PRR14: variants seen among roughly 807,000 people sequenced by gnomAD.
PRR14 encodes proline rich 14, also known as proline-rich protein 14.
A neutral mutation model predicts 57.2 loss-of-function variants in PRR14; 33 were observed. That is an observed-to-expected ratio of 0.58 (90% CI 0.44 to 0.77). PRR14 has a LOEUF of 0.77. Among genes scored for constraint, PRR14 ranks in the 30% least tolerant of loss-of-function variants. The pLI, the probability that PRR14 is intolerant of heterozygous loss-of-function variation, is 0.00. For missense variants in PRR14, 716 were observed against 788.1 expected, an observed-to-expected ratio of 0.91 and a Z score of 1.10; for synonymous variants, 303 against 314.7, an observed-to-expected ratio of 0.96 and a Z score of 0.39.
chr16:30,654,167 A>G (rs2052341505), intron 6 of PRR14, 63 bp from the exon 7 acceptor site: 2 of 1,052,118 alleles, frequency 1.9e-6, no homozygotes, highest in Admixed American at 3.6e-5. Flanking sequence ...GGGATAGGGG[A>G]GTTGCTGGCT....
At chr16:30,654,471 G>A (rs1196337710) in intron 7 of PRR14, 132 bp downstream of exon 7, 3 of 962,576 alleles carry the variant, frequency 3.1e-6, no homozygotes, top group Non-Finnish European at 4.8e-6. Context: ...ATATAAAGAT[G>A]GGATGTTGAT....
rs755704354 is a variant in PRR14, at chr16:30,654,339, G to T, written c.658G>T (p.Ala220Ser). Residue 220 changes from alanine to serine, a missense_variant and splice_region_variant, in exon 7 of 12, where the codon GCC becomes TCC. Physicochemically the swap from Ala to Ser is moderately conservative, Grantham distance 99. Coordinates refer to ENST00000300835, the MANE Select transcript of PRR14 (RefSeq NM_024031.5). ...PADPLESPPT[A>S]PDPALELPST... ...AGACCCTCTGGAGAGCCCACCAACA[G>T]GTAAGGACTTGGGTAGAGATCGGAT... 6.2e-7 allele frequency: 1 copy of T among 1,609,854 alleles called. No homozygotes were observed. The highest frequency in any genetic ancestry group is 1.3e-5 in the African/African-American group (1 of 74,836).
chr16:30,654,473 G>A (rs1275095005), intron 7 of PRR14, 134 bp downstream of exon 7: 13 of 953,262 alleles, frequency 1.4e-5, no homozygotes, highest in Admixed American at 2.2e-5. Context: ...ATAAAGATGG[G>A]ATGTTGATGT....
intron 3 of PRR14, 78 bp from the exon 4 acceptor site, chr16:30,652,643 C>A: frequency 1.9e-6 from 3 of 1,557,600 alleles, no homozygotes; most frequent in Middle Eastern, 1.7e-4. Flanking sequence ...TGGCTCAGGG[C>A]ACTGTGAGGC....
Position 30,651,570 on chromosome 16 carries a change from G to A in PRR14, c.-50-26G>A. 7.8e-6 allele frequency: 3 copies of A among 383,396 alleles called. No individual in the cohort carries two copies. The highest frequency in any genetic ancestry group is 1.2e-4 in the East Asian group (2 of 17,002). The allele number at this position is 383,396 out of a possible 1,614,324, so 23.7% of individuals were successfully genotyped here. The stretch of plus-strand genomic sequence containing the variant: ...GGGAAGGGGCCGGCCCTCACCCCCC[G>A]CTCCCCCGCTCCCCCCTTACCCCAG... On this transcript the variant is annotated intron_variant, in intron 1 of 11. Coordinates refer to ENST00000300835, the MANE Select transcript of PRR14 (RefSeq NM_024031.5). The surrounding 1 kb of genome is among the most constrained non-coding windows in gnomAD (Gnocchi z 5.0).
chr16:30,652,863 G>T (rs1248447092), intron 4 of PRR14, 21 bp downstream of exon 4: 1 of 1,614,058 alleles, frequency 6.2e-7, no homozygotes, highest in Non-Finnish European at 8.5e-7. Flanking sequence ...CAGGATGGGG[G>T]TAAGCCGAGG....
Position 30,654,848 on chromosome 16 carries a change from A to C in PRR14, c.878A>C (p.Gln293Pro). Residue 293 changes from glutamine (Q) to proline (P), a missense_variant, in exon 8 of 12, where the codon CAG becomes CCG. By Grantham distance (76) the Gln-to-Pro change is moderately conservative (BLOSUM62 -1). Coordinates refer to ENST00000300835, the MANE Select transcript of PRR14 (RefSeq NM_024031.5). ...AAGATCGCCATCTCAGAGGCCGAGCAGTCTGGGGCTGCTGAGGGCACTGCG... is the reference window on the plus strand; with the variant it reads ...AAGATCGCCATCTCAGAGGCCGAGCCGTCTGGGGCTGCTGAGGGCACTGCG... ...ELKIAISEAE[Q>P]SGAAEGTASV... The C allele has an allele frequency of 6.6e-7, 1 of 1,505,020 alleles. No homozygotes were observed. Among genetic ancestry groups the C allele is most frequent in the Non-Finnish European group, 9.0e-7 (1 of 1,117,168 alleles). 93.2% of individuals were successfully genotyped at this position (1,505,020 alleles called of 1,614,324 possible). A position where few individuals can be genotyped will look rare whatever the true frequency, so the allele number is the denominator to read the frequency against.
intron 6 of PRR14, among the ~76,000 whole-genome samples, chr16:30,653,940 A>T (rs548281895): frequency 1.4e-4 from 21 of 152,310 alleles, no homozygotes; most frequent in African/African-American, 4.6e-4. Context: ...CTGGGATTAC[A>T]GGCGAGAGCC....
At chr16:30,654,590 G>T (rs1356284648) in intron 7 of PRR14, 39 bp from the exon 8 acceptor site, 1 of 1,508,918 alleles carries the variant, frequency 6.6e-7, no homozygotes, top group South Asian at 1.2e-5. Flanking sequence ...AGACACTGCA[G>T]CCAAGGAATA....
At chr16:30,653,638 G>A (rs2052335832) in intron 6 of PRR14, among the ~76,000 whole-genome samples, 1 of 152,160 alleles carries the variant, frequency 6.6e-6, no homozygotes, top group Non-Finnish European at 1.5e-5. Flanking sequence ...ACATCACTGT[G>A]ACCATATCTC....
At position 30,650,965 on chromosome 16, in the gene PRR14, T is replaced by C. The variant is rs1454963776; in HGVS notation, c.-213T>C. The C allele has an allele frequency of 2.2e-6, 1 of 448,070 alleles. No homozygotes were observed. Among genetic ancestry groups the C allele is most frequent in the Non-Finnish European group, 4.5e-6 (1 of 220,204 alleles). The allele number at this position is 448,070 out of a possible 1,614,324, so 27.8% of individuals were successfully genotyped here. On this transcript the variant is annotated 5_prime_UTR_variant, in exon 1 of 12. Coordinates refer to ENST00000300835, the MANE Select transcript of PRR14 (RefSeq NM_024031.5). The stretch of plus-strand genomic sequence containing the variant: ...GTCTGTGGGCGGGACCTCCCGGGAT[T>C]GGAGTGAAGAGGGTATCTGCTTGAC...
At chr16:30,654,588 C>T (rs774402100) in intron 7 of PRR14, 41 bp from the exon 8 acceptor site, 4 of 1,494,230 alleles carry the variant, frequency 2.7e-6, no homozygotes, top group Non-Finnish European at 9.1e-7. Flanking sequence ...TGAGACACTG[C>T]AGCCAAGGAA....
intron 5 of PRR14, 61 bp downstream of exon 5, chr16:30,653,164 G>C: frequency 6.6e-7 from 1 of 1,510,824 alleles, no homozygotes; most frequent in Admixed American, 2.0e-5. Flanking sequence ...GGATAGAAGG[G>C]TAGGAGGCCT....
chr16:30,655,997 C>G lies in PRR14; in HGVS notation c.1479-35C>G, dbSNP rs1270090236. 1.3e-6 allele frequency: 2 copies of G among 1,597,390 alleles called. No individual in the cohort carries two copies. Among genetic ancestry groups the G allele is most frequent in the East Asian group, 4.5e-5 (2 of 44,830 alleles). On this transcript the variant is annotated intron_variant, in intron 11 of 11. Transcript: ENST00000300835. This position sits in a 1 kb window ranked among gnomAD's most constrained non-coding sequence, Gnocchi z 4.6. ...GGGAAATCTGGAGCTGTGGAGCACCCTGATAAAACCAGCTCCTCTCCCTGC... is the reference window on the plus strand; with the variant it reads ...GGGAAATCTGGAGCTGTGGAGCACCGTGATAAAACCAGCTCCTCTCCCTGC...
At chr16:30,650,797 G>C (rs1433814300), upstream of PRR14, 1 of 244,306 alleles carries the variant, frequency 4.1e-6, no homozygotes, top group Non-Finnish European at 9.0e-6. Flanking sequence ...GGGATCCACG[G>C]GAGGCGGCGG....
At position 30,656,382 on chromosome 16, in the gene PRR14, T is replaced by C. The variant is rs2052373043; in HGVS notation, c.*71T>C. 1 of 1,414,602 alleles carries C rather than the reference T, an allele frequency of 7.1e-7. No homozygotes were observed. Among genetic ancestry groups the C allele is most frequent in the South Asian group, 1.4e-5 (1 of 73,646 alleles). The allele number at this position is 1,414,602 out of a possible 1,614,324, so 87.6% of individuals were successfully genotyped here. On this transcript the variant is annotated 3_prime_UTR_variant, in exon 12 of 12. Transcript: ENST00000300835. ...CCAGGCAGTTATTTTTTTTTCTCTA[T>C]ATTTCTAGTAAAGTTTTCGATATGT...
chr16:30,654,574 G>T, intron 7 of PRR14, 55 bp from the exon 8 acceptor site: 1 of 1,368,632 alleles, frequency 7.3e-7, no homozygotes. Context: ...ATGTGGGGAG[G>T]GGCTGAGACA....
At position 30,656,262 on chromosome 16, in the gene PRR14, T is replaced by C; in HGVS notation, c.1709T>C (p.Leu570Ser). ...CAGCGGCTGGAGGAGCTAGATGCCT[T>C]GCTCCTGGAGGAAGAAACAGTAGAT... ...LQQRLEELDA[L>S]LLEEETVDRE... The change falls in exon 12 of 12, where the codon TTG becomes TCG. Residue 570 changes from leucine (L) to serine (S), a missense_variant. Coordinates refer to ENST00000300835, the MANE Select transcript of PRR14 (RefSeq NM_024031.5). 6.2e-7 allele frequency: 1 copy of C among 1,613,144 alleles called. No homozygotes were observed. Among genetic ancestry groups the C allele is most frequent in the African/African-American group, 1.3e-5 (1 of 75,034 alleles).
chr16:30,656,315 C>G lies in PRR14; in HGVS notation c.*4C>G. The G allele has an allele frequency of 6.2e-7, 1 of 1,607,088 alleles. No individual in the cohort carries two copies. The highest frequency in any genetic ancestry group is 8.5e-7 in the Non-Finnish European group (1 of 1,178,436). Reference sequence around the variant, plus strand: ...GGAGCAGCCCCACTGGACCTAGGTGCCCCATCTGTTGGTCATCCATCCTGA... The same window carrying G: ...GGAGCAGCCCCACTGGACCTAGGTGGCCCATCTGTTGGTCATCCATCCTGA... On this transcript the variant is annotated 3_prime_UTR_variant, in exon 12 of 12. Coordinates refer to ENST00000300835, the MANE Select transcript of PRR14 (RefSeq NM_024031.5).
Sources: gnomAD v4.1 joint callset for allele counts (sites outside exome capture counted in the v4.1 genomes callset) on GRCh38, gnomAD v4.1.1 for gene constraint, Gnocchi (gnomAD v3.1) non-coding constraint, MANE v1.5 for transcripts, NCBI Gene and HGNC (gene_info 2026-07-23, HGNC 2026-07-21) for gene names.